Variants in TTLL6 observed in about 807,000 individuals in gnomAD.
TTLL6 encodes the protein tubulin polyglutamylase TTLL6.
Under a neutral mutation model 96.4 loss-of-function variants are expected in TTLL6, and 75 were observed. The observed-to-expected ratio is 0.78, with a 90% CI of 0.65 to 0.94. The LOEUF is 0.94. TTLL6 is among the 40% of genes least tolerant of loss of function. The probability of loss-of-function intolerance (pLI) is 0.00; values close to 1 mark genes in which losing one functional copy is unlikely to be tolerated. For missense variants in TTLL6, 1,030 were observed against 1,093.0 expected (o/e 0.94, Z 0.81); for synonymous variants, 411 against 419.4 (o/e 0.98, Z 0.24).
intron 1 of TTLL6, among the ~76,000 whole-genome samples, chr17:48,811,629 T>C (rs2143496129): frequency 6.6e-6 from 1 of 152,166 alleles, no homozygotes; most frequent in Admixed American, 6.5e-5. Flanking sequence ...TCTGCTCTAG[T>C]ATCTCTGGCC....
chr17:48,816,060 TTTTATGGAGCTGTTTTA>T (rs2039663485), intron 1 of TTLL6, among the ~76,000 whole-genome samples: 1 of 152,226 alleles, frequency 6.6e-6, no homozygotes. Context: ...ATAATATTCA[TTTTATGGAGCTGTTTTA>T]AAGATTAAAT....
At chr17:48,782,209 G>A (rs1366883378) in intron 13 of TTLL6, among the ~76,000 whole-genome samples, 2 of 150,592 alleles carry the variant, frequency 1.3e-5, no homozygotes, top group South Asian at 2.1e-4. Flanking sequence ...AGGTTCAAGC[G>A]ATTCTCCTGC....
At chr17:48,804,438 A>C (rs1185322308) in intron 2 of TTLL6, 2 of 507,302 alleles carry the variant, frequency 3.9e-6, no homozygotes, top group Non-Finnish European at 7.7e-6. Context: ...GTGCTATCAT[A>C]CTGAAGGCGT....
At chr17:48,796,395 G>A (rs1231825743) in intron 7 of TTLL6, among the ~76,000 whole-genome samples, 2 of 152,212 alleles carry the variant, frequency 1.3e-5, no homozygotes, top group Admixed American at 6.5e-5. Context: ...GCTGAGGCAG[G>A]CAGATCACGA....
chr17:48,774,096 CAAAAAAAAAAAA>C (rs1286139436), intron 13 of TTLL6, among the ~76,000 whole-genome samples: 11 of 44,242 alleles, frequency 2.5e-4, no homozygotes, highest in African/African-American at 7.0e-4. Flanking sequence ...AAAAACAAAA[CAAAAAAAAAAAA>C]AAAACAAGAA....
intron 1 of TTLL6, among the ~76,000 whole-genome samples, chr17:48,811,194 G>A (rs770214716): frequency 3.4e-5 from 5 of 149,122 alleles, no homozygotes; most frequent in Non-Finnish European, 4.4e-5. Flanking sequence ...TCAGCCTCCC[G>A]AGTAGCTGGG....
At chr17:48,807,865 G>C (rs2039526574) in intron 1 of TTLL6, among the ~76,000 whole-genome samples, 1 of 151,780 alleles carries the variant, frequency 6.6e-6, no homozygotes, top group Non-Finnish European at 1.5e-5. Flanking sequence ...TTGAGACGGA[G>C]TCTCGCTCAG....
At position 48,784,927 on chromosome 17, in the gene TTLL6, G is replaced by C; in HGVS notation, c.2036C>G (p.Thr679Ser). 2 of 1,612,968 alleles carry C rather than the reference G, an allele frequency of 1.2e-6. No homozygotes were observed. The highest frequency in any genetic ancestry group is 1.7e-6 in the Non-Finnish European group (2 of 1,179,322). ...SASAVNVFTGTVHLTSVETTP... is the reference protein window; with the variant it reads ...SASAVNVFTGSVHLTSVETTP... ...AGAGCTCGGCTCACTACTTACCACA[G>C]TGCCAGTGAATACGTTCACTGCAGA... The change falls in exon 13 of 16, where the codon ACT becomes AGT. Residue 679 changes from threonine to serine, a missense_variant. Transcript: ENST00000393382.
chr17:48,791,521 TG>T lies in TTLL6; in HGVS notation c.1080del (p.Ile361SerfsTer65). On this transcript the variant is annotated frameshift_variant, in exon 9 of 16. Transcript: ENST00000393382. LOFTEE classifies it high-confidence loss of function. ...EQIWRDIEDV[I>X]IKTLISAHPI... The stretch of plus-strand genomic sequence containing the variant: ...GGGTGGGCCGAGATGAGGGTCTTGA[TG>T]ATGACGTCCTCAATATCCCTCCATA... 6.2e-7 allele frequency: 1 copy of T among 1,614,182 alleles called. No individual in the cohort carries two copies. The highest frequency in any genetic ancestry group is 8.5e-7 in the Non-Finnish European group (1 of 1,180,028).
At chr17:48,782,543 C>T (rs2039009965) in intron 13 of TTLL6, among the ~76,000 whole-genome samples, 1 of 152,224 alleles carries the variant, frequency 6.6e-6, no homozygotes, top group Non-Finnish European at 1.5e-5. Context: ...TTCAGTTTGA[C>T]ATGGTCTCAT....
At chr17:48,774,096 C>CAAAAAAAAAAAAAAAAAA (rs1286139436) in intron 13 of TTLL6, among the ~76,000 whole-genome samples, 2 of 44,228 alleles carry the variant, frequency 4.5e-5, no homozygotes, top group African/African-American at 7.8e-5. Flanking sequence ...AAAAACAAAA[C>CAAAAAAAAAAAAAAAAAA]AAAAAAAAAA....
chr17:48,786,757 G>C (rs1240119989), intron 11 of TTLL6, among the ~76,000 whole-genome samples: 1 of 151,998 alleles, frequency 6.6e-6, no homozygotes, highest in Non-Finnish European at 1.5e-5. Context: ...TGGACAAAAG[G>C]TGACATAATA....
intron 13 of TTLL6, among the ~76,000 whole-genome samples, chr17:48,779,353 C>CA (rs35763170): frequency 0.18 from 8,366 of 46,046 alleles, 1,576 homozygotes; most frequent in Non-Finnish European, 0.21. Flanking sequence ...GACTCTGTCT[C>CA]AAAAAAAAAA....
At position 48,788,083 on chromosome 17, in the gene TTLL6, T is replaced by C. The variant is rs2039142504; in HGVS notation, c.1401-84A>G. 36 of 1,310,474 alleles carry C rather than the reference T, an allele frequency of 2.7e-5. No individual in the cohort carries two copies. The South Asian group carries it at 5.0e-4, about 18-fold the overall frequency. 81.2% of individuals were successfully genotyped at this position (1,310,474 alleles called of 1,614,324 possible). A position where few individuals can be genotyped will look rare whatever the true frequency, so the allele number is the denominator to read the frequency against. ...GGATATGTCCAAGCTGGAGGTCGTC[T>C]AGGGCCAGATGGAGGCCTTGCACAT... is the stretch of plus-strand genomic sequence containing the variant. On this transcript the variant is annotated intron_variant, in intron 10 of 15. Transcript: ENST00000393382.
chr17:48,794,155 CA>C (rs1248761803), intron 8 of TTLL6: 2 of 1,612,128 alleles, frequency 1.2e-6, no homozygotes, highest in East Asian at 4.5e-5. Flanking sequence ...AGGAAGAGGA[CA>C]GGGGAAATGG....
intron 13 of TTLL6, among the ~76,000 whole-genome samples, chr17:48,778,005 G>A (rs1480076464): frequency 6.6e-6 from 1 of 151,984 alleles, no homozygotes; most frequent in Admixed American, 6.6e-5. Context: ...CTGGGCGCCC[G>A]GTGGCTCACG....
intron 10 of TTLL6, among the ~76,000 whole-genome samples, chr17:48,789,278 T>C (rs1473731193): frequency 2.0e-5 from 3 of 152,218 alleles, no homozygotes; most frequent in Non-Finnish European, 4.4e-5. Flanking sequence ...TTCAAACTGC[T>C]ACATTCTGCC....
chr17:48,767,634 C>T (rs11652858), intron 15 of TTLL6, among the ~76,000 whole-genome samples: 53,768 of 151,952 alleles, frequency 0.35, 9,766 homozygotes, highest in Admixed American at 0.45. Flanking sequence ...TGGAGGGAGA[C>T]GATTCACATC....
chr17:48,791,881 A>T (rs975427857), intron 8 of TTLL6, among the ~76,000 whole-genome samples: 1 of 152,208 alleles, frequency 6.6e-6, no homozygotes, highest in Non-Finnish European at 1.5e-5. Flanking sequence ...GTGACCCAGA[A>T]AACATCTATC....
Sources: gnomAD v4.1 joint callset for allele counts (sites outside exome capture counted in the v4.1 genomes callset) on GRCh38, gnomAD v4.1.1 for gene constraint, MANE v1.5 for transcripts, NCBI Gene and HGNC (gene_info 2026-07-23, HGNC 2026-07-21) for gene names.